The following DIP2A variants were observed in gnomAD, a reference collection of about 807,000 sequenced individuals.
DIP2A encodes the protein DIP2 acetate--CoA ligase A, also known as disco-interacting protein 2 homolog A.
Under a neutral mutation model 177.4 loss-of-function variants are expected in DIP2A, and 85 were observed. The ratio of observed to expected loss-of-function variants is 0.48; its 90% confidence interval spans 0.40 to 0.57. The LOEUF (loss-of-function observed/expected upper bound fraction) is 0.57. Among genes scored for constraint, DIP2A ranks in the 20% least tolerant of loss-of-function variants. DIP2A has a pLI of 0.00. For missense variants in DIP2A, 1,791 were observed against 2,100.2 expected, an observed-to-expected ratio of 0.85 and a Z score of 2.88; for synonymous variants, 886 against 881.8, an observed-to-expected ratio of 1.00 and a Z score of -0.08.
Position 46,477,843 on chromosome 21 carries a change from C to T in DIP2A, c.92-6914C>T, listed in dbSNP as rs775694136. On this transcript the variant is annotated intron_variant, in intron 1 of 37. Coordinates refer to ENST00000417564, the MANE Select transcript of DIP2A (RefSeq NM_015151.4). ...AGGTGATCCACCTGCCTTGGCCTCCCAAAGTGTTGGGATACAGGCGTGAGC... is the reference window on the plus strand; with the variant it reads ...AGGTGATCCACCTGCCTTGGCCTCCTAAAGTGTTGGGATACAGGCGTGAGC... 3.7e-4 allele frequency among the ~76,000 whole-genome samples: 57 copies of T among 152,076 alleles called. 1 individual carries two copies. Among genetic ancestry groups the T allele is most frequent in the Admixed American group, 1.9e-3 (29 of 15,290 alleles).
chr21:46,538,450 C>G (rs767442392), intron 15 of DIP2A, 33 bp from the exon 16 acceptor site: 6 of 1,537,500 alleles, frequency 3.9e-6, no homozygotes, highest in Non-Finnish European at 5.2e-6. Context: ...GTCCTTGTGA[C>G]GCAGGGATGT....
chr21:46,528,527 C>CTTTTTTTTTGTTTTTTTTT (rs2059208594), intron 8 of DIP2A, among the ~76,000 whole-genome samples: 1 of 29,380 alleles, frequency 3.4e-5, no homozygotes, highest in Non-Finnish European at 5.6e-5. Context: ...TTTCTGCTTG[C>CTTTTTTTTTGTTTTTTTTT]TTTTTTTTTT....
At chr21:46,467,651 C>T (rs1055003701) in intron 1 of DIP2A, among the ~76,000 whole-genome samples, 4 of 152,112 alleles carry the variant, frequency 2.6e-5, no homozygotes, top group African/African-American at 9.7e-5. Flanking sequence ...GTTTGAAAAT[C>T]TTTAAAAGTT....
chr21:46,505,999 G>A lies in DIP2A; in HGVS notation c.784+1510G>A, dbSNP rs189470797. 3.2e-3 allele frequency among the ~76,000 whole-genome samples: 484 copies of A among 152,246 alleles called. 4 individuals are homozygous for A. The highest frequency in any genetic ancestry group is 0.011 in the African/African-American group (462 of 41,550). The stretch of plus-strand genomic sequence containing the variant: ...ATTTAGGTTGTTTCTAGTTTGGGCC[G>A]GTTACAAGTAAAGCTGCTATGAATA... On this transcript the variant is annotated intron_variant, in intron 6 of 37. Transcript: ENST00000417564.
chr21:46,507,854 C>T (rs1324316187), intron 6 of DIP2A, among the ~76,000 whole-genome samples: 1 of 151,732 alleles, frequency 6.6e-6, no homozygotes, highest in Non-Finnish European at 1.5e-5. Flanking sequence ...GCAACTGCCA[C>T]CACACTTGGC....
intron 3 of DIP2A, 40 bp downstream of exon 3, chr21:46,490,759 C>T: frequency 1.3e-6 from 2 of 1,524,772 alleles, no homozygotes; most frequent in Non-Finnish European, 1.8e-6. Context: ...GTGGACGGGC[C>T]TGGAGCCCTT....
rs1191730231 is a variant in DIP2A, at chr21:46,551,812, CCT to C, written c.2950-8_2950-7del. On this transcript the variant is annotated splice_polypyrimidine_tract_variant and intron_variant, in intron 24 of 37. Transcript: ENST00000417564. ...CCGGAGGCGCCAGTGAGCAAGTCGC[CCT>C]CTCGTGCAGTTCCTGTTCCTGGCTG... 6.2e-7 allele frequency: 1 copy of C among 1,612,884 alleles called. No homozygotes were observed. Among genetic ancestry groups the C allele is most frequent in the Non-Finnish European group, 8.5e-7 (1 of 1,179,424 alleles).
rs938233873 is a variant in DIP2A at position 46,569,751 on chromosome 21, C to T, written c.*2129C>T. The T allele has an allele frequency of 7.9e-5, 12 of 151,028 alleles. 1 individual carries two copies. The East Asian group carries it at 1.5e-3, about 19-fold the overall frequency. 9.4% of individuals were successfully genotyped at this position (151,028 alleles called of 1,614,324 possible). A position where few individuals can be genotyped will look rare whatever the true frequency, so the allele number is the denominator to read the frequency against. On this transcript the variant is annotated 3_prime_UTR_variant, in exon 38 of 38. Transcript: ENST00000417564. ...TGTGAAAAGGGTCTTTAAATTACCCCGAATAGGTTGTATCTTATTTTGCTT... is the reference window on the plus strand; with the variant it reads ...TGTGAAAAGGGTCTTTAAATTACCCTGAATAGGTTGTATCTTATTTTGCTT...
intron 5 of DIP2A, among the ~76,000 whole-genome samples, chr21:46,500,267 G>A (rs917951939): frequency 2.6e-5 from 4 of 152,218 alleles, no homozygotes; most frequent in Non-Finnish European, 1.5e-5. Context: ...GAACTGCCAA[G>A]ACTACAAGGG....
rs2057476046 is a variant in DIP2A at position 46,498,485 on chromosome 21, C to A, written c.404-97C>A. On this transcript the variant is annotated intron_variant, in intron 4 of 37. Transcript: ENST00000417564. This position sits in a 1 kb window ranked among gnomAD's most constrained non-coding sequence, Gnocchi z 4.3. ...GCTGTGCCAGGTGTACAGAAGCATG[C>A]TGCACACAGGTCTGGGAGGCTCCAG... 2.1e-6 allele frequency: 3 copies of A among 1,427,040 alleles called. No individual in the cohort carries two copies. The South Asian group carries it at 3.9e-5, about 19-fold the overall frequency. The allele number at this position is 1,427,040 out of a possible 1,614,324, so 88.4% of individuals were successfully genotyped here. A position where few individuals can be genotyped will look rare whatever the true frequency, so the allele number is the denominator to read the frequency against.
At chr21:46,473,035 C>T (rs1259998182) in intron 1 of DIP2A, among the ~76,000 whole-genome samples, 1 of 152,188 alleles carries the variant, frequency 6.6e-6, no homozygotes, top group Non-Finnish European at 1.5e-5. Flanking sequence ...TTTAACCATG[C>T]ATGGCTAATG....
rs956795967 is a variant in DIP2A, at chr21:46,567,864, C to CAAGGA, written c.*257_*261dup. The CAAGGA allele has an allele frequency of 1.8e-5, 8 of 439,210 alleles. 1 individual carries two copies. The highest frequency in any genetic ancestry group is 1.1e-4 in the East Asian group (3 of 26,374). The allele number at this position is 439,210 out of a possible 1,614,324, so 27.2% of individuals were successfully genotyped here. ...GCTGGTATTTTAACAGATGGAGAGA[C>CAAGGA]AAGGAAAGGAAAGGAAAGGCCTGGC... On this transcript the variant is annotated 3_prime_UTR_variant, in exon 38 of 38. Transcript: ENST00000417564.
At chr21:46,544,299 C>T (rs2059940969) in intron 18 of DIP2A, among the ~76,000 whole-genome samples, 1 of 152,080 alleles carries the variant, frequency 6.6e-6, no homozygotes, top group African/African-American at 2.4e-5. Flanking sequence ...AAAAGGCGCA[C>T]ATGTACAAAT....
chr21:46,459,000 C>G lies in DIP2A; in HGVS notation c.-132C>G. On this transcript the variant is annotated 5_prime_UTR_variant, in exon 1 of 38. Transcript: ENST00000417564. The stretch of plus-strand genomic sequence containing the variant: ...TTGCTGTCCTGGCCGCGCCCCTGTC[C>G]CGCCGCCTCCCGCTCCTCGCCTGGC... 1.4e-6 allele frequency: 1 copy of G among 740,478 alleles called. No homozygotes were observed. The highest frequency in any genetic ancestry group is 1.9e-5 in the African/African-American group (1 of 53,474). The allele number at this position is 740,478 out of a possible 1,614,324, so 45.9% of individuals were successfully genotyped here.
chr21:46,533,671 A>C (rs1466208121), intron 11 of DIP2A, 24 bp downstream of exon 11: 1 of 1,613,896 alleles, frequency 6.2e-7, no homozygotes, highest in Admixed American at 1.7e-5. Flanking sequence ...AGGGAAGGGG[A>C]GTCAGTGTTC....
At chr21:46,566,017 T>C (rs2060826257) in intron 36 of DIP2A, 130 bp downstream of exon 36, 1 of 1,102,700 alleles carries the variant, frequency 9.1e-7, no homozygotes, top group East Asian at 2.4e-5. Flanking sequence ...GGGGGGAAGA[T>C]GTTCTGACAG....
chr21:46,555,443 C>G, intron 28 of DIP2A: 2 of 196,404 alleles, frequency 1.0e-5, no homozygotes, highest in South Asian at 1.8e-4. Context: ...AGGGCAGGCT[C>G]AGAGCCAAAC....
intron 37 of DIP2A, 53 bp downstream of exon 37, chr21:46,566,736 G>A: frequency 1.7e-5 from 28 of 1,609,060 alleles, no homozygotes; most frequent in Non-Finnish European, 2.3e-5. Context: ...CCCTTCCTCT[G>A]GGCATGAGTG....
At chr21:46,477,581 T>G (rs1239836189) in intron 1 of DIP2A, among the ~76,000 whole-genome samples, 35 of 28,764 alleles carry the variant, frequency 1.2e-3, no homozygotes, top group African/African-American at 2.6e-3. Flanking sequence ...TTCTTTTTTT[T>G]TTTTTTTCTT....
Sources: allele counts gnomAD v4.1 joint callset (sites outside exome capture counted in the v4.1 genomes callset), GRCh38; gene constraint gnomAD v4.1.1; non-coding constraint Gnocchi (gnomAD v3.1); transcripts MANE v1.5; gene names NCBI Gene and HGNC (gene_info 2026-07-23, HGNC 2026-07-21).